DNAH11: variants seen among roughly 807,000 people sequenced by gnomAD.
DNAH11 encodes the protein dynein axonemal heavy chain 11.
Under a neutral mutation model 526.0 loss-of-function variants are expected in DNAH11, and 442 were observed. The observed-to-expected ratio is 0.84, with a 90% CI of 0.78 to 0.91. The LOEUF (loss-of-function observed/expected upper bound fraction) is 0.91, where lower values mean the gene tolerates loss of function less well. DNAH11 is among the 40% of genes least tolerant of loss of function. DNAH11 has a pLI of 0.00. For synonymous variants in DNAH11, 2,461 were observed against 1,935.9 expected, an observed-to-expected ratio of 1.27 and a Z score of -7.12; for missense variants, 6,989 against 5,448.7, an observed-to-expected ratio of 1.28 and a Z score of -8.90.
chr7:21,744,901 C>T lies in DNAH11; in HGVS notation c.8348C>T (p.Pro2783Leu). Reference sequence around the variant, plus strand: ...GATAGTCACATGCTGCTTCAACAGCCCCTCATTTATTGCCACTTTGCTGAT... The same window carrying T: ...GATAGTCACATGCTGCTTCAACAGCTCCTCATTTATTGCCACTTTGCTGAT... ...GIDSHMLLQQ[P>L]LIYCHFADRG... The change falls in exon 51 of 82, where the codon CCC (proline) becomes CTC (leucine). Residue 2783 changes from proline to leucine, a missense_variant. Physicochemically the swap from Pro to Leu is moderately conservative, Grantham distance 98. Coordinates refer to ENST00000409508, the MANE Select transcript of DNAH11 (RefSeq NM_001277115.2). The T allele has an allele frequency of 6.2e-7, 1 of 1,610,614 alleles. No individual in the cohort carries two copies. Among genetic ancestry groups the T allele is most frequent in the East Asian group, 2.2e-5 (1 of 44,778 alleles).
chr7:21,839,364 G>A lies in DNAH11; in HGVS notation c.10692-3180G>A, dbSNP rs183389874. Among the ~76,000 whole-genome samples, 505 of 152,182 alleles carry A rather than the reference G, an allele frequency of 3.3e-3. 2 individuals are homozygous for A. Among genetic ancestry groups the A allele is most frequent in the African/African-American group, 0.011 (477 of 41,534 alleles). ...CTGAGGGGGGCAAATCACGAGGTCA[G>A]GAGTTTGAGACCAGCCTGGACAACA... On this transcript the variant is annotated intron_variant, in intron 65 of 81. Coordinates refer to ENST00000409508, the MANE Select transcript of DNAH11 (RefSeq NM_001277115.2).
intron 32 of DNAH11, among the ~76,000 whole-genome samples, chr7:21,684,954 G>A (rs1280244132): frequency 1.3e-5 from 2 of 152,268 alleles, no homozygotes; most frequent in African/African-American, 2.4e-5. Flanking sequence ...CACTATCACC[G>A]AAGTGTAGAC....
rs537395849 is a variant in DNAH11, at chr7:21,765,504, C to T, written c.9017C>T (p.Thr3006Met). ...AAGTTCCCAGCCATAGTTAACTGCA[C>T]GGCTATTGACTGGTTTCATGCGTGG... ...ARKFPAIVNCTAIDWFHAWPQ... is the reference protein window; with the variant it reads ...ARKFPAIVNCMAIDWFHAWPQ... Residue 3006 changes from threonine (T) to methionine (M), a missense_variant, in exon 55 of 82, where the codon ACG (threonine) becomes ATG (methionine). Transcript: ENST00000409508. 4.6e-5 allele frequency: 74 copies of T among 1,613,878 alleles called. No homozygotes were observed. In the East Asian group the frequency reaches 1.1e-3, roughly 24 times the overall value.
At chr7:21,718,927 A>G (rs1490120570) in intron 43 of DNAH11, among the ~76,000 whole-genome samples, 2 of 152,184 alleles carry the variant, frequency 1.3e-5, no homozygotes, top group African/African-American at 2.4e-5. Flanking sequence ...GGTATAATTT[A>G]TTTCCGAAAG....
In DNAH11 at chr7:21,543,163, G is replaced by C; in HGVS notation, c.-83G>C. On this transcript the variant is annotated 5_prime_UTR_variant, in exon 1 of 82. Coordinates refer to ENST00000409508, the MANE Select transcript of DNAH11 (RefSeq NM_001277115.2). The stretch of plus-strand genomic sequence containing the variant: ...ACCGCGGAGGAGGGTGGGCGCCTGC[G>C]GAGGTGTCCTCGCTCACTTCGGGGG... The C allele has an allele frequency of 6.9e-7, 1 of 1,440,740 alleles. No homozygotes were observed. The highest frequency in any genetic ancestry group is 1.5e-5 in the South Asian group (1 of 67,704). 89.2% of individuals were successfully genotyped at this position (1,440,740 alleles called of 1,614,324 possible).
intron 76 of DNAH11, among the ~76,000 whole-genome samples, chr7:21,888,738 T>A (rs1013908740): frequency 6.6e-6 from 1 of 152,136 alleles, no homozygotes; most frequent in Non-Finnish European, 1.5e-5. Context: ...TCTGCCCACC[T>A]CGGCCTCCCA....
intron 2 of DNAH11, among the ~76,000 whole-genome samples, chr7:21,545,481 C>G (rs1782774041): frequency 6.6e-6 from 1 of 152,010 alleles, no homozygotes; most frequent in Non-Finnish European, 1.5e-5. Flanking sequence ...GGTTCTTGCA[C>G]CTTAGCAGCA....
chr7:21,806,696 A>C (rs1202209116), intron 62 of DNAH11, among the ~76,000 whole-genome samples: 1 of 152,162 alleles, frequency 6.6e-6, no homozygotes, highest in Non-Finnish European at 1.5e-5. Context: ...TTCAGGTTCT[A>C]TTAATTTGCA....
At chr7:21,888,323 A>C (rs913063245) in intron 76 of DNAH11, among the ~76,000 whole-genome samples, 2 of 152,086 alleles carry the variant, frequency 1.3e-5, no homozygotes, top group African/African-American at 4.8e-5. Flanking sequence ...CATTACCAAC[A>C]CTACTTGGAG....
chr7:21,857,134 T>C (rs1382509138), intron 68 of DNAH11, among the ~76,000 whole-genome samples: 1 of 152,200 alleles, frequency 6.6e-6, no homozygotes, highest in Non-Finnish European at 1.5e-5. Flanking sequence ...TTGCAGGATA[T>C]AAGGTTGATA....
intron 79 of DNAH11, among the ~76,000 whole-genome samples, chr7:21,896,332 C>G (rs753590379): frequency 2.0e-5 from 3 of 152,104 alleles, no homozygotes; most frequent in African/African-American, 7.2e-5. Flanking sequence ...ACTGCACTCT[C>G]CTTCTTGATT....
chr7:21,579,807 A>G (rs571070733), intron 8 of DNAH11, among the ~76,000 whole-genome samples: 1 of 152,334 alleles, frequency 6.6e-6, no homozygotes, highest in East Asian at 1.9e-4. Flanking sequence ...TTAGTCAGCC[A>G]TTGGAGGATG....
At chr7:21,763,578 T>C (rs1334804798) in intron 54 of DNAH11, among the ~76,000 whole-genome samples, 1 of 151,522 alleles carries the variant, frequency 6.6e-6, no homozygotes, top group Non-Finnish European at 1.5e-5. Context: ...CTGCAACTAC[T>C]ATGGAAAACA....
chr7:21,633,557 C>G (rs1786719038), intron 25 of DNAH11, among the ~76,000 whole-genome samples: 1 of 151,844 alleles, frequency 6.6e-6, no homozygotes, highest in South Asian at 2.1e-4. Flanking sequence ...TTACTTTTTC[C>G]TAGTTCTAAT....
At chr7:21,639,727 A>T (rs1231133332) in intron 28 of DNAH11, among the ~76,000 whole-genome samples, 1 of 152,214 alleles carries the variant, frequency 6.6e-6, no homozygotes, top group Non-Finnish European at 1.5e-5. Flanking sequence ...GTTGCCTTTC[A>T]TTTAGACCAA....
intron 55 of DNAH11, among the ~76,000 whole-genome samples, chr7:21,767,642 T>A (rs1361253569): frequency 2.6e-5 from 4 of 152,188 alleles, no homozygotes; most frequent in Non-Finnish European, 5.9e-5. Context: ...AGTCAGATGA[T>A]TTCATTTCAG....
At chr7:21,766,426 G>A (rs2128498541) in intron 55 of DNAH11, among the ~76,000 whole-genome samples, 1 of 152,240 alleles carries the variant, frequency 6.6e-6, no homozygotes, top group Non-Finnish European at 1.5e-5. Flanking sequence ...CCTAGAATAG[G>A]TCAGACACTG....
At chr7:21,846,402 T>C (rs780667768) in intron 66 of DNAH11, among the ~76,000 whole-genome samples, 5 of 152,152 alleles carry the variant, frequency 3.3e-5, no homozygotes, top group Non-Finnish European at 7.4e-5. Flanking sequence ...TTCCCCTCTA[T>C]TTCTAATTTG....
chr7:21,599,422 G>A (rs1401536339), intron 14 of DNAH11, among the ~76,000 whole-genome samples: 1 of 152,186 alleles, frequency 6.6e-6, no homozygotes, highest in Non-Finnish European at 1.5e-5. Context: ...TTATACGGAA[G>A]GCCCTGGAAG....
Sources: allele counts gnomAD v4.1 joint callset (sites outside exome capture counted in the v4.1 genomes callset), GRCh38; gene constraint gnomAD v4.1.1; transcripts MANE v1.5; gene names NCBI Gene and HGNC (gene_info 2026-07-23, HGNC 2026-07-21).